BNC2: variants seen among roughly 807,000 people sequenced by gnomAD.
The protein encoded by BNC2 is zinc finger protein basonuclin-2.
BNC2 carries 20 observed loss-of-function variants against 76.3 expected under a neutral mutation model. The observed-to-expected ratio is 0.26, with a 90% CI of 0.18 to 0.38. The LOEUF is 0.38. Among genes scored for constraint, BNC2 ranks in the 10% least tolerant of loss-of-function variants. BNC2 has a pLI of 1.00. For missense variants in BNC2, 1,382 were observed against 1,399.8 expected (o/e 0.99, Z 0.20); for synonymous variants, 582 against 514.8 (o/e 1.13, Z -1.77).
intron 1 of BNC2, among the ~76,000 whole-genome samples, chr9:16,825,425 A>G (rs1818431543): frequency 6.6e-6 from 1 of 152,130 alleles, no homozygotes; most frequent in African/African-American, 2.4e-5. Context: ...GCACCTCATT[A>G]CACTTGGGCT....
At chr9:16,445,006 G>A (rs1821202100) in intron 5 of BNC2, among the ~76,000 whole-genome samples, 1 of 152,214 alleles carries the variant, frequency 6.6e-6, no homozygotes, top group Non-Finnish European at 1.5e-5. Flanking sequence ...AAGTGTGCAT[G>A]GATCAATGTT....
At chr9:16,482,936 A>G (rs749483982) in intron 5 of BNC2, among the ~76,000 whole-genome samples, 4 of 152,082 alleles carry the variant, frequency 2.6e-5, no homozygotes, top group Non-Finnish European at 4.4e-5. Flanking sequence ...CACCCCAACT[A>G]TCCATCTTTC....
intron 1 of BNC2, among the ~76,000 whole-genome samples, chr9:16,746,985 G>T: frequency 6.6e-6 from 1 of 151,272 alleles, no homozygotes; most frequent in Non-Finnish European, 1.5e-5. Context: ...ATTAATCCAT[G>T]TAATTGAAAA....
At chr9:16,851,339 C>G (rs1302929978) in intron 1 of BNC2, among the ~76,000 whole-genome samples, 1 of 148,288 alleles carries the variant, frequency 6.7e-6, no homozygotes, top group Non-Finnish European at 1.5e-5. Context: ...GAGACCTTGT[C>G]TCTACAAAAA....
chr9:16,688,647 T>A lies in BNC2; in HGVS notation c.330+39150A>T, dbSNP rs531949599. ...AGGTACTTAACTTTTATTCTTTTTGTATGATTGTATATGTTGCTTTAAAAG... is the reference window on the plus strand; with the variant it reads ...AGGTACTTAACTTTTATTCTTTTTGAATGATTGTATATGTTGCTTTAAAAG... On this transcript the variant is annotated intron_variant, in intron 3 of 6. Coordinates refer to ENST00000380672, the MANE Select transcript of BNC2 (RefSeq NM_017637.6). Among the ~76,000 whole-genome samples the A allele has an allele frequency of 3.3e-5, 5 of 152,332 alleles. No homozygotes were observed. The South Asian group carries it at 1.0e-3, about 32-fold the overall frequency.
At chr9:16,734,943 G>A (rs927314454) in intron 2 of BNC2, among the ~76,000 whole-genome samples, 11 of 152,170 alleles carry the variant, frequency 7.2e-5, no homozygotes, top group Admixed American at 2.6e-4. Flanking sequence ...GGGAGAAACT[G>A]CTCTAGCTGA....
At chr9:16,809,087 T>A (rs1005965687) in intron 1 of BNC2, among the ~76,000 whole-genome samples, 5 of 152,148 alleles carry the variant, frequency 3.3e-5, no homozygotes, top group African/African-American at 1.2e-4. Context: ...CAGAATTGTT[T>A]CATATCAAAT....
intron 1 of BNC2, among the ~76,000 whole-genome samples, chr9:16,759,660 A>G (rs1825494365): frequency 6.6e-6 from 1 of 152,182 alleles, no homozygotes; most frequent in Non-Finnish European, 1.5e-5. Context: ...GCATTCTACA[A>G]TCACAACTGA....
intron 6 of BNC2, among the ~76,000 whole-genome samples, chr9:16,420,042 G>A (rs1298535842): frequency 6.6e-6 from 1 of 152,048 alleles, no homozygotes; most frequent in African/African-American, 2.4e-5. Context: ...GAAACTTTCT[G>A]CTTGTCTAAA....
intron 5 of BNC2, among the ~76,000 whole-genome samples, chr9:16,454,665 T>G (rs1480909490): frequency 6.6e-6 from 1 of 152,172 alleles, no homozygotes; most frequent in Admixed American, 6.5e-5. Flanking sequence ...CACTTGTTAC[T>G]TCTGTAAACT....
At chr9:16,841,859 G>T (rs1314129549) in intron 1 of BNC2, among the ~76,000 whole-genome samples, 2 of 150,334 alleles carry the variant, frequency 1.3e-5, no homozygotes, top group Non-Finnish European at 2.9e-5. Context: ...GCCCAGGCTG[G>T]AGTGCAATGG....
rs534902807 is a variant in BNC2, at chr9:16,806,919, ATCTG to A, written c.3+63723_3+63726del. ...GCTGACCAGAAAGAGACCATCCAGA[ATCTG>A]TCTTTGTCAGTGCAGCACTCACTAG... is the stretch of plus-strand genomic sequence containing the variant. On this transcript the variant is annotated intron_variant, in intron 1 of 6. Transcript: ENST00000380672. Among the ~76,000 whole-genome samples the A allele has an allele frequency of 5.3e-5, 8 of 152,304 alleles. No homozygotes were observed. In the East Asian group the frequency reaches 1.5e-3, roughly 29 times the overall value.
chr9:16,451,236 C>A (rs753673224), intron 5 of BNC2, among the ~76,000 whole-genome samples: 1 of 152,010 alleles, frequency 6.6e-6, no homozygotes, highest in Non-Finnish European at 1.5e-5. Flanking sequence ...TTGGTGAAAT[C>A]GGTGCTGGTT....
chr9:16,436,160 G>A lies in BNC2; in HGVS notation c.2034C>T (p.Ser678=), dbSNP rs767948164. ...ACATGCCTGGGCTCATCTCCTCTTG[G>A]GAGTGACAATGATTGTCATGGCTCA... is the stretch of plus-strand genomic sequence containing the variant. The part of the protein sequence containing the change: ...NDMSHDNHCH[S]QEEMSPGMSV... Residue 678 remains serine (S), a synonymous_variant, in exon 6 of 7, where the codon TCC becomes TCT. Transcript: ENST00000380672. The A allele has an allele frequency of 7.4e-6, 12 of 1,614,014 alleles. No individual in the cohort carries two copies. Among genetic ancestry groups the A allele is most frequent in the South Asian group, 1.1e-5 (1 of 91,088 alleles).
At chr9:16,753,617 G>A (rs1825285933) in intron 1 of BNC2, among the ~76,000 whole-genome samples, 1 of 152,170 alleles carries the variant, frequency 6.6e-6, no homozygotes, top group Non-Finnish European at 1.5e-5. Flanking sequence ...CAATCACACT[G>A]CCAACGGGTA....
At chr9:16,429,221 C>A (rs1231457561) in intron 6 of BNC2, 1 of 152,142 alleles carries the variant, frequency 6.6e-6, no homozygotes, top group African/African-American at 2.4e-5. Context: ...GTATCCCTTC[C>A]TCTTAGTACA....
rs142251054 is a variant in BNC2 at position 16,858,533 on chromosome 9, A to C, written c.3+12113T>G. On this transcript the variant is annotated intron_variant, in intron 1 of 6. Coordinates refer to ENST00000380672, the MANE Select transcript of BNC2 (RefSeq NM_017637.6). ...AAGGCAACAAAAGCAAGAATAGACAAATGGAACTGAATCAAACTTAGAAAC... is the reference window on the plus strand; with the variant it reads ...AAGGCAACAAAAGCAAGAATAGACACATGGAACTGAATCAAACTTAGAAAC... Among the ~76,000 whole-genome samples, 1,139 of 152,304 alleles carry C rather than the reference A, an allele frequency of 7.5e-3. 13 individuals are homozygous for C. Among genetic ancestry groups the C allele is most frequent in the Middle Eastern group, 0.027 (8 of 294 alleles).
chr9:16,857,754 C>A (rs1358126920), intron 1 of BNC2, among the ~76,000 whole-genome samples: 3 of 151,998 alleles, frequency 2.0e-5, no homozygotes, highest in African/African-American at 7.2e-5. Context: ...CAGAAACAGA[C>A]AATGCAGTGA....
chr9:16,556,873 T>C (rs908796794), intron 4 of BNC2, among the ~76,000 whole-genome samples: 3 of 152,198 alleles, frequency 2.0e-5, no homozygotes, highest in Non-Finnish European at 2.9e-5. Flanking sequence ...TTTTCTGCTT[T>C]ATAATTACTA....
Sources: gnomAD v4.1 joint callset for allele counts (sites outside exome capture counted in the v4.1 genomes callset) on GRCh38, gnomAD v4.1.1 for gene constraint, MANE v1.5 for transcripts, NCBI Gene and HGNC (gene_info 2026-07-23, HGNC 2026-07-21) for gene names.